The following HNF4G variants were observed in gnomAD, a reference collection of about 807,000 sequenced individuals.
The protein encoded by HNF4G is hepatocyte nuclear factor 4 gamma, also known as hepatocyte nuclear factor 4-gamma.
Under a neutral mutation model 50.9 loss-of-function variants are expected in HNF4G, and 21 were observed. That is an observed-to-expected ratio of 0.41 (90% CI 0.29 to 0.59). The LOEUF (loss-of-function observed/expected upper bound fraction) is 0.59. HNF4G is among the 20% of genes least tolerant of loss of function. The pLI is 0.26. For synonymous variants in HNF4G, 198 were observed against 185.6 expected, an observed-to-expected ratio of 1.07 and a Z score of -0.54; for missense variants, 527 against 559.4, an observed-to-expected ratio of 0.94 and a Z score of 0.58.
In HNF4G at chr8:75,547,651, A is replaced by G; in HGVS notation, c.352A>G (p.Lys118Glu). 6.2e-7 allele frequency: 1 copy of G among 1,609,830 alleles called. No homozygotes were observed. The highest frequency in any genetic ancestry group is 8.5e-7 in the Non-Finnish European group (1 of 1,176,212). The change falls in exon 3 of 10, where the codon AAG (lysine) becomes GAG (glutamate). Residue 118 changes from lysine (K) to glutamate (E), a missense_variant. Around this residue, in one of 5 missense-constraint regions of HNF4G, gnomAD observed 128 missense variants for 135.3 expected, o/e 0.95. Coordinates refer to ENST00000396423, the MANE Select transcript of HNF4G (RefSeq NM_004133.5). ...TCAATGTAGATATTGTCGATTAAGA[A>G]AGTGTTTTAGAGCGGGAATGAAAAA... Reference protein sequence around the residue: ...RNQCRYCRLRKCFRAGMKKEA... With the variant: ...RNQCRYCRLRECFRAGMKKEA...
intron 2 of HNF4G, among the ~76,000 whole-genome samples, chr8:75,525,836 G>C (rs1375289184): frequency 6.6e-6 from 1 of 152,084 alleles, no homozygotes; most frequent in Non-Finnish European, 1.5e-5. Context: ...GATTCCAAAG[G>C]AAAATTATAG....
chr8:75,528,271 T>C (rs1387090615), intron 2 of HNF4G, among the ~76,000 whole-genome samples: 1 of 152,190 alleles, frequency 6.6e-6, no homozygotes, highest in Admixed American at 6.5e-5. Context: ...GCTTTAAGTT[T>C]TTTTTGTTAG....
intron 5 of HNF4G, among the ~76,000 whole-genome samples, chr8:75,555,397 G>A (rs973984747): frequency 6.6e-6 from 1 of 152,178 alleles, no homozygotes; most frequent in South Asian, 2.1e-4. Context: ...GTGTACGAAT[G>A]AAGCTCAGTT....
intron 1 of HNF4G, among the ~76,000 whole-genome samples, chr8:75,483,197 AATG>A (rs1812420094): frequency 6.6e-6 from 1 of 152,234 alleles, no homozygotes; most frequent in Non-Finnish European, 1.5e-5. Flanking sequence ...TATTTCTAAA[AATG>A]ATGAATGTTG....
intron 2 of HNF4G, among the ~76,000 whole-genome samples, chr8:75,530,059 A>G (rs2941452): frequency 0.69 from 105,279 of 151,606 alleles, 38,403 homozygotes; most frequent in African/African-American, 0.92. Flanking sequence ...GTGCCACAGG[A>G]TCCTGGAGCA....
intron 1 of HNF4G, among the ~76,000 whole-genome samples, chr8:75,483,887 AT>A (rs1812439444): frequency 6.6e-6 from 1 of 152,332 alleles, no homozygotes; most frequent in African/African-American, 2.4e-5. Context: ...TCGATCAATA[AT>A]AAACAGCACT....
chr8:75,551,340 A>C, intron 3 of HNF4G, 48 bp from the exon 4 acceptor site: 1 of 1,074,252 alleles, frequency 9.3e-7, no homozygotes, highest in Non-Finnish European at 1.4e-6. Flanking sequence ...ATATTCTAAC[A>C]TACACTAAAG....
At chr8:75,516,065 G>A (rs559509644) in intron 2 of HNF4G, among the ~76,000 whole-genome samples, 35 of 152,256 alleles carry the variant, frequency 2.3e-4, no homozygotes, top group Non-Finnish European at 3.8e-4. Context: ...CGCCCTGCCC[G>A]AGGGCCACCA....
At chr8:75,482,387 AAG>A (rs1343475783) in intron 1 of HNF4G, among the ~76,000 whole-genome samples, 1 of 151,898 alleles carries the variant, frequency 6.6e-6, no homozygotes, top group Non-Finnish European at 1.5e-5. Flanking sequence ...CCATTTTTAG[AAG>A]GAGTCTCTCT....
chr8:75,415,252 A>G (rs1253951002), intron 1 of HNF4G, among the ~76,000 whole-genome samples: 1 of 152,026 alleles, frequency 6.6e-6, no homozygotes, highest in African/African-American at 2.4e-5. Context: ...AAGTTAGAAG[A>G]GTTCTATATA....
At chr8:75,523,817 A>T (rs1806110285) in intron 2 of HNF4G, among the ~76,000 whole-genome samples, 1 of 151,998 alleles carries the variant, frequency 6.6e-6, no homozygotes, top group African/African-American at 2.4e-5. Context: ...ACTGATGAGA[A>T]ACAAATAATT....
At chr8:75,499,307 GAA>G (rs1170050507) in intron 2 of HNF4G, among the ~76,000 whole-genome samples, 2 of 151,830 alleles carry the variant, frequency 1.3e-5, no homozygotes, top group African/African-American at 4.8e-5. Flanking sequence ...AAAGTACTAA[GAA>G]ACACATTTAA....
intron 2 of HNF4G, among the ~76,000 whole-genome samples, chr8:75,491,446 T>C (rs184716650): frequency 1.3e-5 from 2 of 152,080 alleles, no homozygotes; most frequent in Non-Finnish European, 2.9e-5. Context: ...AAAAACACAC[T>C]TCTAAAATCA....
upstream of HNF4G, among the ~76,000 whole-genome samples, chr8:75,538,842 T>C (rs1259533778): frequency 6.6e-6 from 1 of 152,170 alleles, no homozygotes. Flanking sequence ...GAGGCCAGCC[T>C]TCCCGGGTGA....
intron 2 of HNF4G, among the ~76,000 whole-genome samples, chr8:75,496,351 A>T (rs543595998): frequency 6.6e-6 from 1 of 151,948 alleles, no homozygotes; most frequent in Non-Finnish European, 1.5e-5. Context: ...CTTCCTGAAT[A>T]TATCTTAATA....
chr8:75,540,071 A>C lies in HNF4G; in HGVS notation c.109A>C (p.Asn37His), dbSNP rs778510508. ...GTTTGAAACTATGCAGATTCTATAT[A>C]ATTCAAGTGGTGAGTTATCATCTGT... ...LEFETMQILY[N>H]SSDSSAPETS... The change falls in exon 1 of 10, where the codon AAT becomes CAT. Residue 37 changes from asparagine to histidine, a missense_variant. Physicochemically the swap from Asn to His is moderately conservative, Grantham distance 68. Around this residue, in one of 5 missense-constraint regions of HNF4G, gnomAD observed 84 missense variants for 87.1 expected, o/e 0.96. Coordinates refer to ENST00000396423, the MANE Select transcript of HNF4G (RefSeq NM_004133.5). The C allele has an allele frequency of 6.4e-7, 1 of 1,551,504 alleles. No homozygotes were observed. The highest frequency in any genetic ancestry group is 1.1e-5 in the South Asian group (1 of 89,910).
chr8:75,560,609 T>C, intron 9 of HNF4G, 143 bp downstream of exon 9: 2 of 651,526 alleles, frequency 3.1e-6, no homozygotes, highest in Non-Finnish European at 5.1e-6. Flanking sequence ...TAGAAGACTG[T>C]TATTCAGCTT....
chr8:75,495,637 A>G (rs1298217758), intron 2 of HNF4G: 1 of 149,340 alleles, frequency 6.7e-6, no homozygotes. Flanking sequence ...TCCCGAGTTC[A>G]TGCAATTCTT....
chr8:75,558,466 G>C, intron 6 of HNF4G, 52 bp from the exon 7 acceptor site: 1 of 1,547,304 alleles, frequency 6.5e-7, no homozygotes, highest in South Asian at 1.2e-5. Context: ...CTGACAATTT[G>C]GGGAGACAGG....
Sources: allele counts gnomAD v4.1 joint callset (sites outside exome capture counted in the v4.1 genomes callset), GRCh38; gene constraint gnomAD v4.1.1; regional missense constraint gnomAD v4.1.1; transcripts MANE v1.5; gene names NCBI Gene and HGNC (gene_info 2026-07-23, HGNC 2026-07-21).